Variants in SLC24A2 observed in about 807,000 individuals in gnomAD.
SLC24A2 encodes sodium/potassium/calcium exchanger 2.
In SLC24A2, 36 loss-of-function variants were observed where a neutral mutation model predicts 62.0. The observed-to-expected ratio is 0.58, with a 90% CI of 0.44 to 0.77. SLC24A2 has a LOEUF of 0.77. Among genes scored for constraint, SLC24A2 ranks in the 30% least tolerant of loss-of-function variants. The pLI is 0.00. For synonymous variants in SLC24A2, 358 were observed against 294.0 expected (o/e 1.22, Z -2.23); for missense variants, 846 against 817.9 (o/e 1.03, Z -0.42).
the SLC24A2 span, among the ~76,000 whole-genome samples, chr9:20,287,025 T>G: frequency 6.6e-6 from 1 of 152,180 alleles, no homozygotes; most frequent in Non-Finnish European, 1.5e-5. Context: ...GGCTTTGGAT[T>G]CAGTGAGTCT....
the SLC24A2 span, among the ~76,000 whole-genome samples, chr9:20,184,817 A>G: frequency 6.6e-6 from 1 of 152,166 alleles, no homozygotes; most frequent in Admixed American, 6.5e-5. Context: ...TGTTCACTGC[A>G]GTGTTATTCA....
chr9:20,205,454 C>T, the SLC24A2 span, among the ~76,000 whole-genome samples: 1 of 151,848 alleles, frequency 6.6e-6, no homozygotes, highest in Admixed American at 6.6e-5. Context: ...CGAGACCATC[C>T]TGGTTAATAC....
rs530318330 is a variant in SLC24A2 at position 19,688,615 on chromosome 9, G to A, written c.931-66316C>T. ...ATTAGAAAGAAAATTTCCTTAGAATGAGTTTTGTTTTTATCTTCATTTTAA... is the reference window on the plus strand; with the variant it reads ...ATTAGAAAGAAAATTTCCTTAGAATAAGTTTTGTTTTTATCTTCATTTTAA... On this transcript the variant is annotated intron_variant, in intron 2 of 10. Transcript: ENST00000341998. 8.5e-5 allele frequency among the ~76,000 whole-genome samples: 13 copies of A among 152,220 alleles called. No individual in the cohort carries two copies. The South Asian group carries it at 2.5e-3, about 29-fold the overall frequency.
chr9:19,889,627 A>C, the SLC24A2 span, among the ~76,000 whole-genome samples: 1 of 152,084 alleles, frequency 6.6e-6, no homozygotes, highest in Non-Finnish European at 1.5e-5. Flanking sequence ...GGATTCTTAA[A>C]TTATGCCATT....
chr9:19,585,952 C>T (rs747115929), intron 5 of SLC24A2, among the ~76,000 whole-genome samples: 4 of 152,188 alleles, frequency 2.6e-5, no homozygotes, highest in Admixed American at 6.5e-5. Context: ...GTCACCTTAT[C>T]GTTAGAAATA....
chr9:20,062,302 A>G, the SLC24A2 span, among the ~76,000 whole-genome samples: 2 of 150,960 alleles, frequency 1.3e-5, no homozygotes, highest in African/African-American at 4.9e-5. Context: ...AGATATAGAT[A>G]AATGGAACAG....
At position 19,562,223 on chromosome 9, in the gene SLC24A2, T is replaced by G. The variant is rs141485353; in HGVS notation, c.1347+11128A>C. ...ATAAGTGATTTGCTAACATAAAAGC[T>G]AACTGGAGAAACATAAAAAATAATT... On this transcript the variant is annotated intron_variant, in intron 7 of 10. Transcript: ENST00000341998. Among the ~76,000 whole-genome samples the G allele has an allele frequency of 7.9e-5, 12 of 152,320 alleles. No individual in the cohort carries two copies. In the East Asian group the frequency reaches 2.3e-3, roughly 29 times the overall value.
At chr9:20,217,945 T>C in the SLC24A2 span, among the ~76,000 whole-genome samples, 1 of 152,206 alleles carries the variant, frequency 6.6e-6, no homozygotes, top group Non-Finnish European at 1.5e-5. Context: ...CGTTTTCCAA[T>C]GAACTCAAAG....
chr9:19,938,400 G>T, the SLC24A2 span, among the ~76,000 whole-genome samples: 2 of 152,110 alleles, frequency 1.3e-5, no homozygotes, highest in East Asian at 3.9e-4. Context: ...TAACTTACAT[G>T]GACAATAGTT....
chr9:19,623,983 C>T (rs890037232), intron 2 of SLC24A2, among the ~76,000 whole-genome samples: 4 of 152,188 alleles, frequency 2.6e-5, no homozygotes, highest in Non-Finnish European at 5.9e-5. Context: ...TATCCTGATG[C>T]CCTAGTTCCC....
chr9:19,871,764 A>G, the SLC24A2 span, among the ~76,000 whole-genome samples: 2 of 152,198 alleles, frequency 1.3e-5, no homozygotes, highest in Non-Finnish European at 2.9e-5. Flanking sequence ...TGTTTTTGGA[A>G]TAACAATAGT....
chr9:19,860,727 G>C, the SLC24A2 span, among the ~76,000 whole-genome samples: 1 of 152,068 alleles, frequency 6.6e-6, no homozygotes, highest in African/African-American at 2.4e-5. Context: ...CGATGGGTGA[G>C]TCCTAGACCA....
At chr9:19,621,110 T>A (rs1817897995) in intron 3 of SLC24A2, among the ~76,000 whole-genome samples, 1 of 152,250 alleles carries the variant, frequency 6.6e-6, no homozygotes. Flanking sequence ...GTTTCCAAAC[T>A]ATTATCCATA....
At chr9:19,987,678 T>C in the SLC24A2 span, among the ~76,000 whole-genome samples, 1 of 152,198 alleles carries the variant, frequency 6.6e-6, no homozygotes, top group Non-Finnish European at 1.5e-5. Flanking sequence ...TATATTGGTA[T>C]CTTAAAGCCA....
rs1008600977 is a variant in SLC24A2, at chr9:19,511,917, C to T, written c.*4236G>A. On this transcript the variant is annotated 3_prime_UTR_variant, in exon 11 of 11. Coordinates refer to ENST00000341998, the MANE Select transcript of SLC24A2 (RefSeq NM_020344.4). ...TTTGGTAGATGTGGGGAGGAAAGCA[C>T]ACTGCCATGTTCTGAAATGCCTGCC... 6.6e-6 allele frequency: 1 copy of T among 152,342 alleles called. No individual in the cohort carries two copies. The highest frequency in any genetic ancestry group is 2.4e-5 in the African/African-American group (1 of 41,456). The allele number at this position is 152,342 out of a possible 1,614,324, so 9.4% of individuals were successfully genotyped here.
At chr9:19,694,845 C>G (rs1178344750) in intron 2 of SLC24A2, among the ~76,000 whole-genome samples, 1 of 152,086 alleles carries the variant, frequency 6.6e-6, no homozygotes, top group Non-Finnish European at 1.5e-5. Flanking sequence ...CAAACACAGC[C>G]AAGGGCAAGC....
chr9:19,821,532 T>A, the SLC24A2 span, among the ~76,000 whole-genome samples: 1 of 152,124 alleles, frequency 6.6e-6, no homozygotes, highest in East Asian at 1.9e-4. Context: ...TGTTTGATAA[T>A]TGGGAGTAGA....
At chr9:20,275,555 C>G in the SLC24A2 span, among the ~76,000 whole-genome samples, 4 of 152,200 alleles carry the variant, frequency 2.6e-5, no homozygotes, top group Non-Finnish European at 5.9e-5. Context: ...CCACTCACCT[C>G]CCAGCTCTGA....
intron 4 of SLC24A2, among the ~76,000 whole-genome samples, chr9:19,597,548 G>C (rs1836734688): frequency 6.6e-6 from 1 of 152,120 alleles, no homozygotes; most frequent in South Asian, 2.1e-4. Flanking sequence ...CAATGAAACA[G>C]AGTATTTGGC....
Sources: gnomAD v4.1 joint callset for allele counts (sites outside exome capture counted in the v4.1 genomes callset) on GRCh38, gnomAD v4.1.1 for gene constraint, MANE v1.5 for transcripts, NCBI Gene and HGNC (gene_info 2026-07-23, HGNC 2026-07-21) for gene names.